Variants in SSRP1 observed in about 807,000 individuals in gnomAD.
The protein encoded by SSRP1 is structure specific recognition protein 1, also known as FACT complex subunit SSRP1.
Under a neutral mutation model 84.4 loss-of-function variants are expected in SSRP1, and 21 were observed. The observed-to-expected ratio is 0.25, with a 90% CI of 0.18 to 0.36. The LOEUF is 0.36. Ranked by LOEUF, SSRP1 falls within the 10% of genes least tolerant of loss-of-function variation. The pLI, the probability that SSRP1 is intolerant of heterozygous loss-of-function variation, is 1.00. For synonymous variants in SSRP1, 319 were observed against 318.3 expected (o/e 1.00, Z -0.02); for missense variants, 519 against 900.8 (o/e 0.58, Z 5.43).
At chr11:57,328,834 CTTT>C (rs764329438) in intron 12 of SSRP1, 24 of 160,920 alleles carry the variant, frequency 1.5e-4, no homozygotes, top group East Asian at 1.3e-3. Flanking sequence ...ACCCTATAGT[CTTT>C]TTTGTCTTCT....
chr11:57,334,498 C>T lies in SSRP1; in HGVS notation c.205G>A (p.Gly69Ser). ...AAGCCATCATACTTGTAGACATGGC[C>T]ATTCTTTGTAAGCAGTTTAAGTCCA... is the stretch of plus-strand genomic sequence containing the variant. ...GHGLKLLTKN[G>S]HVYKYDGFRE... is the part of the protein sequence containing the mutation. Residue 69 changes from glycine (G) to serine (S), a missense_variant, in exon 3 of 17, where the codon GGC becomes AGC. Gly to Ser is a moderately conservative substitution (Grantham distance 56). Around this residue, in one of 7 missense-constraint regions of SSRP1, gnomAD observed 88 missense variants for 122.0 expected, o/e 0.72. Coordinates refer to ENST00000278412, the MANE Select transcript of SSRP1 (RefSeq NM_003146.3). 6.2e-7 allele frequency: 1 copy of T among 1,614,220 alleles called. No homozygotes were observed. The highest frequency in any genetic ancestry group is 8.5e-7 in the Non-Finnish European group (1 of 1,180,036).
At chr11:57,334,928 TTGG>T in intron 2 of SSRP1, 137 bp downstream of exon 2, 1 of 989,204 alleles carries the variant, frequency 1.0e-6, no homozygotes. Context: ...TTGCCTTGAG[TTGG>T]TGGAGACACT....
chr11:57,328,226 G>C lies in SSRP1; in HGVS notation c.1611+71C>G. 3.2e-6 allele frequency: 5 copies of C among 1,578,574 alleles called. No individual in the cohort carries two copies. In the South Asian group the frequency reaches 4.7e-5, roughly 15 times the overall value. On this transcript the variant is annotated intron_variant, in intron 13 of 16. Coordinates refer to ENST00000278412, the MANE Select transcript of SSRP1 (RefSeq NM_003146.3). The stretch of plus-strand genomic sequence containing the variant: ...GTCCTACTGGTGGTGGACAGGAGAA[G>C]GTAAAGAGAATGCCTCCCACGCCCC...
rs376693956 is a variant in SSRP1, at chr11:57,335,025, C to T, written c.54+43G>A. On this transcript the variant is annotated intron_variant, in intron 2 of 16. Transcript: ENST00000278412. This position sits in a 1 kb window ranked among gnomAD's most constrained non-coding sequence, Gnocchi z 4.6. The stretch of plus-strand genomic sequence containing the variant: ...ATTAATGGACAAAAACTCTACCCTC[C>T]TTCCTTCTCTCTACTTGTATCACCT... The T allele has an allele frequency of 1.9e-5, 31 of 1,609,248 alleles. No individual in the cohort carries two copies. In the African/African-American group the frequency reaches 3.9e-4, roughly 20 times the overall value.
chr11:57,330,203 A>T lies in SSRP1; in HGVS notation c.1436-65T>A. 1 of 1,613,994 alleles carries T rather than the reference A, an allele frequency of 6.2e-7. No individual in the cohort carries two copies. The highest frequency in any genetic ancestry group is 1.1e-5 in the South Asian group (1 of 91,062). On this transcript the variant is annotated intron_variant, in intron 11 of 16. Coordinates refer to ENST00000278412, the MANE Select transcript of SSRP1 (RefSeq NM_003146.3). The surrounding 1 kb of genome is among the most constrained non-coding windows in gnomAD (Gnocchi z 4.0). ...GGAAATCCCCCCACCTCACCCAGGC[A>T]CCCAGCTCTGGCCCAAGGGTGAGTC... is the stretch of plus-strand genomic sequence containing the variant.
chr11:57,327,600 A>C, intron 14 of SSRP1, 86 bp from the exon 15 acceptor site: 1 of 1,603,900 alleles, frequency 6.2e-7, no homozygotes, highest in Non-Finnish European at 8.5e-7. Flanking sequence ...CGATACAGAA[A>C]GTCCCACCAA....
chr11:57,334,442 TA>T lies in SSRP1; in HGVS notation c.240+20del. On this transcript the variant is annotated intron_variant, in intron 3 of 16. Coordinates refer to ENST00000278412, the MANE Select transcript of SSRP1 (RefSeq NM_003146.3). ...AAGAAGATGCAGTAAAAAGGAGGCT[TA>T]TAGCCATGGGACATCTCACCGATTC... is the stretch of plus-strand genomic sequence containing the variant. The T allele has an allele frequency of 6.2e-7, 1 of 1,611,646 alleles. No homozygotes were observed.
chr11:57,327,444 C>T lies in SSRP1; in HGVS notation c.1853G>A (p.Arg618Gln), dbSNP rs773699958. ...CACTCACCTCTTAGAAGACTCGCCT[C>T]GGCCCCCTTCATATTCTTTCATGGC... The part of the protein sequence containing the change: ...EKAMKEYEGG[R>Q]GESSKRDKSK... Residue 618 changes from arginine to glutamine, a missense_variant, in exon 15 of 17, where the codon CGA becomes CAA. Arg to Gln is a conservative substitution (Grantham distance 43). Coordinates refer to ENST00000278412, the MANE Select transcript of SSRP1 (RefSeq NM_003146.3). 3 of 1,614,046 alleles carry T rather than the reference C, an allele frequency of 1.9e-6. No individual in the cohort carries two copies. The highest frequency in any genetic ancestry group is 1.3e-5 in the African/African-American group (1 of 74,896).
intron 15 of SSRP1, 198 bp downstream of exon 15, chr11:57,327,228 A>T: frequency 2.9e-6 from 2 of 692,606 alleles, no homozygotes; most frequent in Non-Finnish European, 4.9e-6. Context: ...AAAAGAGGCC[A>T]TATTTCCCCA....
intron 3 of SSRP1, among the ~76,000 whole-genome samples, chr11:57,333,979 C>T (rs528930415): frequency 2.0e-5 from 3 of 152,120 alleles, no homozygotes; most frequent in Non-Finnish European, 2.9e-5. Context: ...GGCAAAACGC[C>T]GTTTCTACCA....
At chr11:57,328,201 G>C (rs2134385814) in intron 13 of SSRP1, 96 bp downstream of exon 13, 1 of 1,529,694 alleles carries the variant, frequency 6.5e-7, no homozygotes, top group Non-Finnish European at 8.8e-7. Context: ...GGAAGAACAG[G>C]TCCTACTGGT....
At chr11:57,328,612 C>T in intron 12 of SSRP1, 186 bp from the exon 13 acceptor site, 1 of 755,622 alleles carries the variant, frequency 1.3e-6, no homozygotes, top group Non-Finnish European at 2.0e-6. Flanking sequence ...TTCAGCCATG[C>T]CCTCTCCAGA....
At position 57,332,808 on chromosome 11, in the gene SSRP1, C is replaced by T. The variant is rs771822062; in HGVS notation, c.585G>A (p.Thr195=). Residue 195 remains threonine (T), a synonymous_variant, in exon 6 of 17, where the codon ACG becomes ACA. Coordinates refer to ENST00000278412, the MANE Select transcript of SSRP1 (RefSeq NM_003146.3). This position sits in a 1 kb window ranked among gnomAD's most constrained non-coding sequence, Gnocchi z 5.5. Reference sequence around the variant, plus strand: ...CCCGGAAGATGCAGATGGCATCTCCCGTGGCCTGGATTACATCCGCCTTTG... The same window carrying T: ...CCCGGAAGATGCAGATGGCATCTCCTGTGGCCTGGATTACATCCGCCTTTG... ...VLSKADVIQA[T]GDAICIFREL... 11 of 1,614,016 alleles carry T rather than the reference C, an allele frequency of 6.8e-6. No individual in the cohort carries two copies. The highest frequency in any genetic ancestry group is 1.6e-4 in the Middle Eastern group (1 of 6,062).
chr11:57,335,510 A>G lies in SSRP1; in HGVS notation c.-120+220T>C, dbSNP rs1463303926. The G allele has an allele frequency of 3.3e-6, 1 of 300,464 alleles. No individual in the cohort carries two copies. Among genetic ancestry groups the G allele is most frequent in the Non-Finnish European group, 6.6e-6 (1 of 150,914 alleles). The allele number at this position is 300,464 out of a possible 1,614,324, so 18.6% of individuals were successfully genotyped here. A position where few individuals can be genotyped will look rare whatever the true frequency, so the allele number is the denominator to read the frequency against. On this transcript the variant is annotated intron_variant, in intron 1 of 16. Transcript: ENST00000278412. This position sits in a 1 kb window ranked among gnomAD's most constrained non-coding sequence, Gnocchi z 4.6. ...GAGCAGCGGAACCCCAGGGTCTGCC[A>G]GGAGCCCGCACATCGCACGCGACCC...
At position 57,335,003 on chromosome 11, in the gene SSRP1, A is replaced by G. The variant is rs1856180789; in HGVS notation, c.54+65T>C. On this transcript the variant is annotated intron_variant, in intron 2 of 16. Transcript: ENST00000278412. This position sits in a 1 kb window ranked among gnomAD's most constrained non-coding sequence, Gnocchi z 4.6. ...AACGTTACCAAAGCAAGCTCTCATTAATGGACAAAAACTCTACCCTCCTTC... is the reference window on the plus strand; with the variant it reads ...AACGTTACCAAAGCAAGCTCTCATTGATGGACAAAAACTCTACCCTCCTTC... 5 of 1,580,166 alleles carry G rather than the reference A, an allele frequency of 3.2e-6. No individual in the cohort carries two copies. In the East Asian group the frequency reaches 9.0e-5, roughly 28 times the overall value.
chr11:57,326,494 G>A lies in SSRP1; in HGVS notation c.2059-16C>T. Reference sequence around the variant, plus strand: ...CTTCAGAGTCCTGAAAACCAAAGGTGTCTTAAGGGAAAAGCTGGAGTCCTG... The same window carrying A: ...CTTCAGAGTCCTGAAAACCAAAGGTATCTTAAGGGAAAAGCTGGAGTCCTG... On this transcript the variant is annotated splice_polypyrimidine_tract_variant and intron_variant, in intron 16 of 16. Coordinates refer to ENST00000278412, the MANE Select transcript of SSRP1 (RefSeq NM_003146.3). 1.9e-6 allele frequency: 3 copies of A among 1,613,972 alleles called. No individual in the cohort carries two copies. Among genetic ancestry groups the A allele is most frequent in the Non-Finnish European group, 2.5e-6 (3 of 1,179,972 alleles).
intron 2 of SSRP1, 43 bp from the exon 3 acceptor site, chr11:57,334,691 C>A (rs1329409865): frequency 1.2e-6 from 2 of 1,604,054 alleles, no homozygotes; most frequent in Admixed American, 1.7e-5. Flanking sequence ...CAGTACACAG[C>A]ATGTCCTGGG....
chr11:57,327,376 A>T (rs200937466), intron 15 of SSRP1, 50 bp downstream of exon 15: 85 of 1,584,792 alleles, frequency 5.4e-5, no homozygotes, highest in Non-Finnish European at 7.1e-5. Context: ...GTTAAAAAAA[A>T]AAAAGTCTGC....
intron 16 of SSRP1, 53 bp from the exon 17 acceptor site, chr11:57,326,531 CA>C: frequency 6.2e-7 from 1 of 1,611,942 alleles, no homozygotes. Flanking sequence ...GTGCCCCACC[CA>C]CTCTTCAGTG....
Sources: allele counts gnomAD v4.1 joint callset (sites outside exome capture counted in the v4.1 genomes callset), GRCh38; gene constraint gnomAD v4.1.1; regional missense constraint gnomAD v4.1.1; non-coding constraint Gnocchi (gnomAD v3.1); transcripts MANE v1.5; gene names NCBI Gene and HGNC (gene_info 2026-07-23, HGNC 2026-07-21).